MAD1L1: variants seen among roughly 807,000 people sequenced by gnomAD.
MAD1L1 encodes mitotic arrest deficient 1 like 1.
Under a neutral mutation model 96.9 loss-of-function variants are expected in MAD1L1, and 95 were observed. The observed-to-expected ratio is 0.98, with a 90% CI of 0.83 to 1.16. MAD1L1 has a LOEUF of 1.16. Among genes scored for constraint, MAD1L1 ranks in the 50% most tolerant of loss-of-function variants. The probability of loss-of-function intolerance (pLI) is 0.00; values close to 1 mark genes in which losing one functional copy is unlikely to be tolerated. For synonymous variants in MAD1L1, 473 were observed against 396.6 expected (o/e 1.19, Z -2.29); for missense variants, 1,007 against 954.4 (o/e 1.06, Z -0.73).
intron 18 of MAD1L1, among the ~76,000 whole-genome samples, chr7:1,850,670 C>T (rs1411540440): frequency 6.6e-6 from 1 of 152,198 alleles, no homozygotes; most frequent in Non-Finnish European, 1.5e-5. Flanking sequence ...CCCAAGTTCG[C>T]AGAGGGGAAC....
chr7:1,886,095 G>A (rs578187851), intron 18 of MAD1L1, among the ~76,000 whole-genome samples: 89 of 152,340 alleles, frequency 5.8e-4, no homozygotes, highest in African/African-American at 2.1e-3. Flanking sequence ...AGAGACCCGT[G>A]GGCATGTTTA....
At chr7:2,006,188 C>G (rs73043525) in intron 13 of MAD1L1, among the ~76,000 whole-genome samples, 1 of 152,290 alleles carries the variant, frequency 6.6e-6, no homozygotes, top group Non-Finnish European at 1.5e-5. Context: ...CGAGAGAACA[C>G]AGACGAGCAG....
At chr7:2,102,572 TCAC>T (rs923966547) in intron 11 of MAD1L1, among the ~76,000 whole-genome samples, 11 of 150,478 alleles carry the variant, frequency 7.3e-5, no homozygotes, top group East Asian at 3.9e-4. Context: ...ACCATCACTC[TCAC>T]CACATCCCCA....
chr7:1,929,708 ACG>A (rs1414146739), intron 17 of MAD1L1, among the ~76,000 whole-genome samples: 29 of 149,134 alleles, frequency 1.9e-4, no homozygotes, highest in Non-Finnish European at 3.1e-4. Flanking sequence ...CCCCGCTGCC[ACG>A]TCCCCTCGCC....
At chr7:2,199,019 C>T (rs1194443263) in intron 10 of MAD1L1, among the ~76,000 whole-genome samples, 1 of 152,210 alleles carries the variant, frequency 6.6e-6, no homozygotes, top group African/African-American at 2.4e-5. Flanking sequence ...TCCTCCCGGC[C>T]TTGGGCGGGG....
chr7:2,062,834 C>G (rs187451166), intron 12 of MAD1L1, among the ~76,000 whole-genome samples: 7 of 152,302 alleles, frequency 4.6e-5, no homozygotes, highest in East Asian at 3.9e-4. Flanking sequence ...CACGTCAGGT[C>G]ACTAAACCGT....
chr7:2,003,172 G>A (rs1285360422), intron 13 of MAD1L1, among the ~76,000 whole-genome samples: 1 of 152,196 alleles, frequency 6.6e-6, no homozygotes, highest in African/African-American at 2.4e-5. Context: ...GGGAGAAATC[G>A]AGAGGCAGGC....
At chr7:2,131,269 G>GA (rs1788498293) in intron 11 of MAD1L1, among the ~76,000 whole-genome samples, 1 of 152,154 alleles carries the variant, frequency 6.6e-6, no homozygotes, top group African/African-American at 2.4e-5. Context: ...AAACAGAAGG[G>GA]ACGCATGTAC....
At chr7:1,986,329 CACGCCAGTCCAGCTTGGAACCA>C in intron 14 of MAD1L1, among the ~76,000 whole-genome samples, 1 of 29,506 alleles carries the variant, frequency 3.4e-5, no homozygotes, top group Non-Finnish European at 8.5e-5. Flanking sequence ...CTTGGAACCA[CACGCCAGTCCAGCTTGGAACCA>C]CACGCCAGTC....
rs1024894325 is a variant in MAD1L1, at chr7:1,998,592, C to A, written c.1416+3473G>T. Among the ~76,000 whole-genome samples, 3 of 152,224 alleles carry A rather than the reference C, an allele frequency of 2.0e-5. No homozygotes were observed. In the South Asian group the frequency reaches 6.2e-4, roughly 31 times the overall value. Reference sequence around the variant, plus strand: ...ATCTTCAGATGGGAGCATCCCTCCACCCACCCCAGGCTGTTCCAGAGGCAA... The same window carrying A: ...ATCTTCAGATGGGAGCATCCCTCCAACCACCCCAGGCTGTTCCAGAGGCAA... On this transcript the variant is annotated intron_variant, in intron 14 of 18. Coordinates refer to ENST00000265854, the MANE Select transcript of MAD1L1 (RefSeq NM_001013836.2).
At chr7:1,941,541 C>T (rs1042115120) in intron 16 of MAD1L1, among the ~76,000 whole-genome samples, 4 of 152,236 alleles carry the variant, frequency 2.6e-5, no homozygotes, top group African/African-American at 9.6e-5. Flanking sequence ...CTGCTGGCCC[C>T]GCTGGGGGCG....
At chr7:1,898,563 C>T (rs113108845) in intron 17 of MAD1L1, among the ~76,000 whole-genome samples, 173 bp from the exon 18 acceptor site, 2 of 152,090 alleles carry the variant, frequency 1.3e-5, no homozygotes, top group African/African-American at 4.8e-5. Flanking sequence ...CATGAGGGAA[C>T]GGGAGTGAGG....
intron 18 of MAD1L1, among the ~76,000 whole-genome samples, chr7:1,830,893 T>TA (rs1208428169): frequency 2.0e-5 from 3 of 152,240 alleles, no homozygotes; most frequent in Non-Finnish European, 4.4e-5. Context: ...TAGACTTATC[T>TA]AATCAAAGTA....
At chr7:2,156,625 G>C (rs1789863678) in intron 10 of MAD1L1, among the ~76,000 whole-genome samples, 1 of 152,164 alleles carries the variant, frequency 6.6e-6, no homozygotes, top group African/African-American at 2.4e-5. Flanking sequence ...CTCAAGACCA[G>C]CCTGGCCAAC....
intron 12 of MAD1L1, among the ~76,000 whole-genome samples, chr7:2,053,948 C>T (rs1416157202): frequency 6.6e-6 from 1 of 152,254 alleles, no homozygotes; most frequent in African/African-American, 2.4e-5. Flanking sequence ...GAAATGCCCT[C>T]ATCGGGGTTT....
chr7:2,060,545 T>C (rs1784615365), intron 12 of MAD1L1, among the ~76,000 whole-genome samples: 1 of 151,674 alleles, frequency 6.6e-6, no homozygotes, highest in African/African-American at 2.4e-5. Context: ...CAAGATAAGC[T>C]AATGCTGTGC....
At chr7:2,221,679 G>A (rs1281661920) in intron 5 of MAD1L1, among the ~76,000 whole-genome samples, 1 of 152,174 alleles carries the variant, frequency 6.6e-6, no homozygotes, top group Non-Finnish European at 1.5e-5. Flanking sequence ...GTTCACACAG[G>A]CTCCAGTTCA....
At chr7:1,831,268 C>T (rs1042333745) in intron 18 of MAD1L1, among the ~76,000 whole-genome samples, 1 of 152,196 alleles carries the variant, frequency 6.6e-6, no homozygotes, top group Admixed American at 6.5e-5. Context: ...TTATGGTACT[C>T]TGTCATCTGT....
intron 14 of MAD1L1, among the ~76,000 whole-genome samples, chr7:1,999,114 T>G (rs1268423981): frequency 1.3e-5 from 2 of 152,098 alleles, no homozygotes; most frequent in Non-Finnish European, 2.9e-5. Context: ...CCCTGAGCCA[T>G]CTCAGATGAG....
Sources: gnomAD v4.1 joint callset for allele counts (sites outside exome capture counted in the v4.1 genomes callset) on GRCh38, gnomAD v4.1.1 for gene constraint, MANE v1.5 for transcripts, NCBI Gene and HGNC (gene_info 2026-07-23, HGNC 2026-07-21) for gene names.